The following NLGN4X variants were observed in gnomAD, a reference collection of about 807,000 sequenced individuals.
The protein encoded by NLGN4X is neuroligin 4 X-linked.
A neutral mutation model predicts 40.3 loss-of-function variants in NLGN4X; 3 were observed. That is an observed-to-expected ratio of 0.07 (90% CI 0.03 to 0.19). The LOEUF is 0.19. Ranked by LOEUF, NLGN4X falls within the 10% of genes least tolerant of loss-of-function variation. The pLI is 1.00. For synonymous variants in NLGN4X, 270 were observed against 306.8 expected (o/e 0.88, Z 1.25); for missense variants, 382 against 708.3 (o/e 0.54, Z 5.23).
At chrX:6,079,475 A>C (rs1016176284) in intron 2 of NLGN4X, among the ~76,000 whole-genome samples, 1 of 112,193 alleles carries the variant, frequency 8.9e-6, no homozygotes, top group Non-Finnish European at 1.9e-5. Context: ...CCCTTCAATC[A>C]CTACTGATCC....
At chrX:5,966,593 A>AG (rs1406519319) in intron 3 of NLGN4X, among the ~76,000 whole-genome samples, 1 of 112,766 alleles carries the variant, frequency 8.9e-6, no homozygotes, top group Non-Finnish European at 1.9e-5. Flanking sequence ...ATTATTAGTA[A>AG]GTATACTTAA....
At chrX:5,977,778 G>T (rs926734169) in intron 3 of NLGN4X, among the ~76,000 whole-genome samples, 1 of 111,129 alleles carries the variant, frequency 9.0e-6, no homozygotes, top group East Asian at 2.8e-4. Flanking sequence ...AGATGAGCAC[G>T]GTCTTCTCCT....
At chrX:5,953,114 T>A (rs1175802321) in intron 3 of NLGN4X, among the ~76,000 whole-genome samples, 2 of 111,203 alleles carry the variant, frequency 1.8e-5, no homozygotes, top group Non-Finnish European at 3.8e-5. Context: ...TTCACACCTG[T>A]AATCGTTGCA....
At chrX:6,194,166 G>A (rs2147838560) in intron 1 of NLGN4X, among the ~76,000 whole-genome samples, 1 of 111,439 alleles carries the variant, frequency 9.0e-6, no homozygotes, top group South Asian at 3.8e-4. Flanking sequence ...CTGGGCGACA[G>A]AGCAAGACCC....
rs867889270 is a variant in NLGN4X, at chrX:6,160,884, G to A, written c.-305-9113C>T. Reference sequence around the variant, plus strand: ...CAAACTAACCTGCTATATATAGAGAGAGAATAATATAAAATATATTATTCT... The same window carrying A: ...CAAACTAACCTGCTATATATAGAGAAAGAATAATATAAAATATATTATTCT... On this transcript the variant is annotated intron_variant, in intron 1 of 5. Transcript: ENST00000381095. 3.3e-5 allele frequency among the ~76,000 whole-genome samples: 3 copies of A among 91,766 alleles called. No homozygotes were observed. In the East Asian group the frequency reaches 9.2e-4, roughly 28 times the overall value. 79.7% of individuals were successfully genotyped at this position (91,766 alleles called of 115,157 possible).
intron 3 of NLGN4X, among the ~76,000 whole-genome samples, chrX:5,970,687 T>C (rs2034997462): frequency 8.9e-6 from 1 of 112,118 alleles, no homozygotes; most frequent in Admixed American, 9.5e-5. Flanking sequence ...CCTACCCATG[T>C]GCTTTTATTG....
chrX:6,201,557 A>G (rs1474653740), intron 1 of NLGN4X, among the ~76,000 whole-genome samples: 1 of 112,257 alleles, frequency 8.9e-6, no homozygotes, highest in Non-Finnish European at 1.9e-5. Flanking sequence ...TGATTAAAAT[A>G]GTAACACATA....
chrX:5,956,617 A>G (rs1423356020), intron 3 of NLGN4X, among the ~76,000 whole-genome samples: 1 of 111,153 alleles, frequency 9.0e-6, no homozygotes, highest in Non-Finnish European at 1.9e-5. Flanking sequence ...TTTGGGGACA[A>G]TCATCTATGC....
intron 1 of NLGN4X, among the ~76,000 whole-genome samples, chrX:6,216,302 G>T (rs1278302575): frequency 1.8e-5 from 2 of 112,228 alleles, no homozygotes; most frequent in East Asian, 5.6e-4. Flanking sequence ...GCTGTGGCAA[G>T]AATCCCGGGA....
chrX:5,990,077 CCTCTCT>C (rs71839664), intron 3 of NLGN4X, among the ~76,000 whole-genome samples: 18,069 of 83,371 alleles, frequency 0.22, 1,718 homozygotes, highest in African/African-American at 0.32. Context: ...TCTCTATTTT[CCTCTCT>C]CTCTCTCTCT....
intron 3 of NLGN4X, among the ~76,000 whole-genome samples, chrX:5,953,722 C>A (rs944340928): frequency 2.7e-5 from 3 of 112,197 alleles, no homozygotes; most frequent in African/African-American, 9.7e-5. Context: ...CTGATGCATT[C>A]GTGTTCGCCT....
intron 3 of NLGN4X, among the ~76,000 whole-genome samples, chrX:5,999,275 A>G (rs1228740826): frequency 2.7e-5 from 3 of 112,081 alleles, no homozygotes; most frequent in African/African-American, 9.7e-5. Context: ...AAGCTCTCCC[A>G]GCTGGTTTAA....
rs185491497 is a variant in NLGN4X at position 5,928,691 on chromosome X, T to C, written c.626-19452A>G. On this transcript the variant is annotated intron_variant, in intron 3 of 5. Transcript: ENST00000381095. ...CGCTGCAGTGACTTCCATGTGAAAA[T>C]GCTGTCACTGAGCTTCATGGAAGCC... Among the ~76,000 whole-genome samples the C allele has an allele frequency of 4.5e-4, 50 of 111,785 alleles. 1 individual carries two copies. The highest frequency in any genetic ancestry group is 1.3e-3 in the Admixed American group (14 of 10,490).
chrX:6,177,303 C>T (rs1358693587), intron 1 of NLGN4X, among the ~76,000 whole-genome samples: 3 of 111,139 alleles, frequency 2.7e-5, no homozygotes, highest in Non-Finnish European at 5.7e-5. Flanking sequence ...GAATTACAGG[C>T]GTGCACCACC....
At chrX:6,133,818 T>C (rs999457828) in intron 2 of NLGN4X, among the ~76,000 whole-genome samples, 1 of 111,859 alleles carries the variant, frequency 8.9e-6, no homozygotes, top group Non-Finnish European at 1.9e-5. Context: ...TGCGACTTCA[T>C]GAAGTTGGTC....
In NLGN4X at chrX:5,891,069, A is replaced by G. The variant is rs778153669; in HGVS notation, c.*1748T>C. ...GCTACTGTTTCTTGGTAATGCAATAATTTTTCAAAAAAGTATCCATTGCTA... is the reference window on the plus strand; with the variant it reads ...GCTACTGTTTCTTGGTAATGCAATAGTTTTTCAAAAAAGTATCCATTGCTA... On this transcript the variant is annotated 3_prime_UTR_variant, in exon 6 of 6. Transcript: ENST00000381095. 2 of 292,220 alleles carry G rather than the reference A, an allele frequency of 6.8e-6. No individual in the cohort carries two copies. The highest frequency in any genetic ancestry group is 6.6e-5 in the South Asian group (2 of 30,349). The allele number at this position is 292,220 out of a possible 1,213,427, so 24.1% of individuals were successfully genotyped here. A position where few individuals can be genotyped will look rare whatever the true frequency, so the allele number is the denominator to read the frequency against.
chrX:6,004,287 T>TA (rs763160170), intron 3 of NLGN4X, among the ~76,000 whole-genome samples: 1 of 112,380 alleles, frequency 8.9e-6, no homozygotes, highest in Non-Finnish European at 1.9e-5. Flanking sequence ...CTTGCATACC[T>TA]AAAATAAATA....
intron 2 of NLGN4X, among the ~76,000 whole-genome samples, chrX:6,105,963 C>A (rs1336389552): frequency 9.0e-6 from 1 of 111,718 alleles, no homozygotes; most frequent in Non-Finnish European, 1.9e-5. Flanking sequence ...ACAGATCCAC[C>A]AATGGGGATC....
intron 1 of NLGN4X, among the ~76,000 whole-genome samples, chrX:6,221,391 TTATATATATATATATATATATATATATA>T (rs60897428): frequency 4.7e-4 from 25 of 53,345 alleles, no homozygotes; most frequent in Non-Finnish European, 2.3e-4. Context: ...CCTTCTTATA[TTATATATATATATATATATATATATATA>T]TATATATATA....
Sources: gnomAD v4.1 joint callset for allele counts (sites outside exome capture counted in the v4.1 genomes callset) on GRCh38, gnomAD v4.1.1 for gene constraint, MANE v1.5 for transcripts, NCBI Gene and HGNC (gene_info 2026-07-23, HGNC 2026-07-21) for gene names.